TBC1D2: variants seen among roughly 807,000 people sequenced by gnomAD.
TBC1D2 encodes TBC1 domain family member 2.
In TBC1D2, 58 loss-of-function variants were observed where a neutral mutation model predicts 91.1. The observed-to-expected ratio is 0.64, with a 90% CI of 0.52 to 0.79. TBC1D2 has a LOEUF of 0.79. Among genes scored for constraint, TBC1D2 ranks in the 30% least tolerant of loss-of-function variants. The probability of loss-of-function intolerance (pLI) is 0.00; values close to 1 mark genes in which losing one functional copy is unlikely to be tolerated. For missense variants in TBC1D2, 1,080 were observed against 1,208.3 expected (o/e 0.89, Z 1.57); for synonymous variants, 482 against 511.5 (o/e 0.94, Z 0.78).
intron 7 of TBC1D2, among the ~76,000 whole-genome samples, chr9:98,211,315 C>T (rs770316985): frequency 1.5e-4 from 23 of 152,180 alleles, no homozygotes; most frequent in Admixed American, 3.9e-4. Flanking sequence ...GGTGGTATGA[C>T]TGAACAGCGC....
intron 9 of TBC1D2, among the ~76,000 whole-genome samples, chr9:98,205,001 C>G (rs1828612437): frequency 6.6e-6 from 1 of 152,266 alleles, no homozygotes; most frequent in Non-Finnish European, 1.5e-5. Context: ...CAGAAACTCT[C>G]TCAGGACAGG....
intron 2 of TBC1D2, among the ~76,000 whole-genome samples, chr9:98,247,082 C>G (rs1004161115): frequency 6.6e-6 from 1 of 151,630 alleles, no homozygotes; most frequent in African/African-American, 2.4e-5. Context: ...AATCCCAGCA[C>G]TTTGGGAGGC....
At chr9:98,222,986 A>T (rs1829135953) in intron 5 of TBC1D2, among the ~76,000 whole-genome samples, 1 of 152,196 alleles carries the variant, frequency 6.6e-6, no homozygotes, top group Non-Finnish European at 1.5e-5. Flanking sequence ...TCCAACCTTT[A>T]CCAAGCACCA....
chr9:98,231,752 C>A (rs964498328), intron 4 of TBC1D2, among the ~76,000 whole-genome samples: 1 of 152,134 alleles, frequency 6.6e-6, no homozygotes, highest in African/African-American at 2.4e-5. Flanking sequence ...CCTTATTAAT[C>A]TAATGAGGAT....
intron 3 of TBC1D2, among the ~76,000 whole-genome samples, chr9:98,237,095 G>C (rs1315948588): frequency 6.6e-6 from 1 of 152,084 alleles, no homozygotes; most frequent in African/African-American, 2.4e-5. Context: ...TCAGCACCTT[G>C]GGAGGTCAAG....
rs367670017 is a variant in TBC1D2 at position 98,233,368 on chromosome 9, G to A, written c.781+48C>T. ...AGGAAAGAAGGCACTTGTGCCAGCC[G>A]TGAGGAGCTGGTCCCTGAAGGCAGC... On this transcript the variant is annotated intron_variant, in intron 4 of 12. Coordinates refer to ENST00000465784, the MANE Select transcript of TBC1D2 (RefSeq NM_001267571.2). 143 of 1,575,420 alleles carry A rather than the reference G, an allele frequency of 9.1e-5. 1 individual carries two copies. The South Asian group carries it at 1.5e-3, about 16-fold the overall frequency.
chr9:98,206,758 T>C (rs930943189), intron 9 of TBC1D2, among the ~76,000 whole-genome samples: 2 of 152,212 alleles, frequency 1.3e-5, no homozygotes, highest in African/African-American at 4.8e-5. Context: ...GACCCTCTCA[T>C]GTCTCATCTG....
intron 6 of TBC1D2, 65 bp from the exon 7 acceptor site, chr9:98,213,283 C>T: frequency 2.5e-6 from 4 of 1,597,248 alleles, no homozygotes; most frequent in Non-Finnish European, 3.4e-6. Flanking sequence ...TGGGGAGTCA[C>T]ACCCTCAAAT....
chr9:98,203,159 C>T (rs1250512711), intron 10 of TBC1D2, 129 bp downstream of exon 10: 3 of 1,421,136 alleles, frequency 2.1e-6, no homozygotes, highest in African/African-American at 1.4e-5. Context: ...GCCAAATGCA[C>T]TCCCACAGTG....
intron 2 of TBC1D2, among the ~76,000 whole-genome samples, chr9:98,245,871 T>C (rs1376984768): frequency 6.6e-6 from 1 of 152,242 alleles, no homozygotes; most frequent in Non-Finnish European, 1.5e-5. Flanking sequence ...CATTTTATAT[T>C]ATTATATGAT....
chr9:98,235,195 C>A (rs558098786), intron 3 of TBC1D2: 16 of 283,858 alleles, frequency 5.6e-5, no homozygotes, highest in African/African-American at 3.6e-4. Flanking sequence ...CAGAGCGAGA[C>A]TCCATTTCAA....
chr9:98,252,278 G>A (rs866748928), intron 1 of TBC1D2, among the ~76,000 whole-genome samples: 4 of 152,336 alleles, frequency 2.6e-5, no homozygotes, highest in South Asian at 2.1e-4. Context: ...ATTTGGAGGC[G>A]CTGTGAGAGG....
In TBC1D2 at chr9:98,203,386, C is replaced by A; in HGVS notation, c.2173G>T (p.Val725Phe). 2 of 1,614,220 alleles carry A rather than the reference C, an allele frequency of 1.2e-6. No individual in the cohort carries two copies. The highest frequency in any genetic ancestry group is 1.7e-6 in the Non-Finnish European group (2 of 1,180,046). ...LNRLAAIALL[V>F]LEEEESAFWC... The stretch of plus-strand genomic sequence containing the variant: ...AAGGCGCTCTCCTCCTCCTCTAGGA[C>A]CAGCAGGGCAATGGCCGCCAGCCTG... The change falls in exon 10 of 13, where the codon GTC becomes TTC. Residue 725 changes from valine to phenylalanine, a missense_variant. Transcript: ENST00000465784.
chr9:98,251,637 C>CA, intron 2 of TBC1D2, 148 bp downstream of exon 2: 1 of 1,265,102 alleles, frequency 7.9e-7, no homozygotes, highest in Non-Finnish European at 1.0e-6. Flanking sequence ...GGCCTCAGCC[C>CA]AAATTCTTGC....
At chr9:98,205,722 T>C (rs76356516) in intron 9 of TBC1D2, among the ~76,000 whole-genome samples, 2,453 of 152,148 alleles carry the variant, frequency 0.016, 57 homozygotes, top group African/African-American at 0.055. Context: ...TTCTTGTTTT[T>C]CGTTTTTTTA....
At chr9:98,250,115 G>A (rs963930010) in intron 2 of TBC1D2, among the ~76,000 whole-genome samples, 4 of 152,186 alleles carry the variant, frequency 2.6e-5, no homozygotes, top group African/African-American at 9.7e-5. Flanking sequence ...GTCTGAGAAG[G>A]CTTCCAGGAG....
In TBC1D2 at chr9:98,210,728, T is replaced by G. The variant is rs760094618; in HGVS notation, c.1601A>C (p.Gln534Pro). The change falls in exon 8 of 13, where the codon CAG becomes CCG. Residue 534 changes from glutamine (Q) to proline (P), a missense_variant. Physicochemically the swap from Gln to Pro is moderately conservative, Grantham distance 76. Coordinates refer to ENST00000465784, the MANE Select transcript of TBC1D2 (RefSeq NM_001267571.2). ...CCACTGCAGTGCCTCCTGGACAAGC[T>G]GCCTCAGCAGCTCTGAGCACTCGCT... ...EASECSELLR[Q>P]LVQEALQWEA... 3.8e-6 allele frequency: 6 copies of G among 1,595,066 alleles called. No individual in the cohort carries two copies. In the African/African-American group the frequency reaches 8.1e-5, roughly 21 times the overall value.
chr9:98,254,180 G>A (rs141372659), intron 1 of TBC1D2, among the ~76,000 whole-genome samples: 52 of 152,322 alleles, frequency 3.4e-4, no homozygotes, highest in Middle Eastern at 3.4e-3. Context: ...GGACAGATGG[G>A]GATGGGGTGG....
chr9:98,199,076 G>A lies in TBC1D2; in HGVS notation c.*305C>T, dbSNP rs960381393. On this transcript the variant is annotated 3_prime_UTR_variant, in exon 13 of 13. Transcript: ENST00000465784. ...TTGTTTTATATTGATATAACCTAGA[G>A]AATGTTCCAGGTTACCCTATAGAGG... 1.1e-5 allele frequency: 6 copies of A among 543,826 alleles called. No homozygotes were observed. The highest frequency in any genetic ancestry group is 2.0e-5 in the Non-Finnish European group (6 of 302,434). 33.7% of individuals were successfully genotyped at this position (543,826 alleles called of 1,614,324 possible). A position where few individuals can be genotyped will look rare whatever the true frequency, so the allele number is the denominator to read the frequency against.
Sources: allele counts gnomAD v4.1 joint callset (sites outside exome capture counted in the v4.1 genomes callset), GRCh38; gene constraint gnomAD v4.1.1; transcripts MANE v1.5; gene names NCBI Gene and HGNC (gene_info 2026-07-23, HGNC 2026-07-21).